The following PHF11 variants were observed in gnomAD, a reference collection of about 807,000 sequenced individuals.
The protein encoded by PHF11 is BRCA1 C-terminus-associated protein.
A neutral mutation model predicts 40.5 loss-of-function variants in PHF11; 38 were observed. That is an observed-to-expected ratio of 0.94 (90% CI 0.72 to 1.23). The LOEUF (loss-of-function observed/expected upper bound fraction) is 1.23, where lower values mean the gene tolerates loss of function less well. PHF11 is among the 50% of genes most tolerant of loss of function. The probability of loss-of-function intolerance (pLI) is 0.00; values close to 1 mark genes in which losing one functional copy is unlikely to be tolerated. For synonymous variants in PHF11, 127 were observed against 138.2 expected (o/e 0.92, Z 0.57); for missense variants, 369 against 392.4 (o/e 0.94, Z 0.50).
At chr13:49,517,777 C>G (rs552736645) in intron 3 of PHF11, among the ~76,000 whole-genome samples, 1 of 152,238 alleles carries the variant, frequency 6.6e-6, no homozygotes, top group East Asian at 1.9e-4. Context: ...TGCTTTTAAT[C>G]AGATCATTAC....
At chr13:49,513,622 C>A (rs967135987) in intron 3 of PHF11, among the ~76,000 whole-genome samples, 1 of 141,816 alleles carries the variant, frequency 7.1e-6, no homozygotes, top group Non-Finnish European at 1.6e-5. Context: ...TGAGCCACCA[C>A]GCCCGGCCAA....
At chr13:49,523,080 G>A (rs1265547080) in intron 6 of PHF11, 95 bp from the exon 7 acceptor site, 7 of 879,934 alleles carry the variant, frequency 8.0e-6, no homozygotes, top group Non-Finnish European at 1.3e-5. Flanking sequence ...GATTTTTACT[G>A]TAGGCATATC....
At chr13:49,524,287 CAA>C in intron 8 of PHF11, 71 bp downstream of exon 8, 1 of 1,124,566 alleles carries the variant, frequency 8.9e-7, no homozygotes, top group Non-Finnish European at 1.3e-6. Flanking sequence ...AAAACAAACC[CAA>C]GAAAAAAAAA....
At chr13:49,500,995 C>CT (rs1369748973) in intron 1 of PHF11, among the ~76,000 whole-genome samples, 1 of 98,430 alleles carries the variant, frequency 1.0e-5, no homozygotes, top group Non-Finnish European at 1.8e-5. Flanking sequence ...GAGTCACCAA[C>CT]TTTTGTTTTT....
Position 49,528,526 on chromosome 13 carries a change from T to A in PHF11, c.857T>A (p.Ile286Asn). 1.3e-6 allele frequency: 2 copies of A among 1,597,836 alleles called. No individual in the cohort carries two copies. Among genetic ancestry groups the A allele is most frequent in the Non-Finnish European group, 1.7e-6 (2 of 1,174,530 alleles). The change falls in exon 10 of 10, where the codon ATT becomes AAT. Residue 286 changes from isoleucine to asparagine, a missense_variant. Physicochemically the swap from Ile to Asn is moderately radical, Grantham distance 149. Transcript: ENST00000378319. The part of the protein sequence containing the change: ...VNFQAAIEKK[I>N]HASQQRWQQL... ...CTTTTCATAGCAATAGAGAAAAAAA[T>A]TCATGCATCTCAACAAAGGTGGCAG...
At chr13:49,523,439 C>T (rs1195491932) in intron 7 of PHF11, 198 bp downstream of exon 7, 3 of 580,990 alleles carry the variant, frequency 5.2e-6, no homozygotes, top group Admixed American at 3.5e-5. Context: ...TGGAATGGTC[C>T]ATTGCATTCA....
intron 1 of PHF11, among the ~76,000 whole-genome samples, chr13:49,498,578 C>G (rs1231069183): frequency 2.0e-5 from 3 of 152,088 alleles, no homozygotes; most frequent in Non-Finnish European, 4.4e-5. Context: ...CTGACAGTAA[C>G]CTAGTACATT....
chr13:49,521,171 T>C, intron 5 of PHF11: 1 of 1,183,346 alleles, frequency 8.5e-7, no homozygotes, highest in South Asian at 3.4e-5. Flanking sequence ...CTGGTATCTT[T>C]CATTCTCCCT....
intron 4 of PHF11, 24 bp downstream of exon 4, chr13:49,518,175 ACC>A (rs760524883): frequency 1.3e-6 from 2 of 1,532,924 alleles, no homozygotes; most frequent in Non-Finnish European, 1.8e-6. Flanking sequence ...CATTTTTAAA[ACC>A]ACATTTGGGG....
At chr13:49,496,151 G>A (rs1476713105) in intron 1 of PHF11, 56 bp downstream of exon 1, 1 of 1,024,852 alleles carries the variant, frequency 9.8e-7, no homozygotes, top group Non-Finnish European at 1.3e-6. Context: ...CGACGGGCCC[G>A]GTCAAGGGGC....
At chr13:49,507,095 T>C (rs1033305024) in intron 2 of PHF11, among the ~76,000 whole-genome samples, 3 of 151,778 alleles carry the variant, frequency 2.0e-5, no homozygotes, top group African/African-American at 7.3e-5. Context: ...TTAGTAGAGA[T>C]GGGGTTTCAC....
chr13:49,521,987 C>T lies in PHF11; in HGVS notation c.506-56C>T, dbSNP rs569644794. The T allele has an allele frequency of 9.2e-5, 79 of 859,630 alleles. No homozygotes were observed. The African/African-American group carries it at 1.2e-3, about 13-fold the overall frequency. The allele number at this position is 859,630 out of a possible 1,614,324, so 53.3% of individuals were successfully genotyped here. A position where few individuals can be genotyped will look rare whatever the true frequency, so the allele number is the denominator to read the frequency against. ...ATATGAGTTGTATATTTCATGTAGT[C>T]AAACAGTAATCTTTTCCTTTATGGA... On this transcript the variant is annotated intron_variant, in intron 5 of 9. Coordinates refer to ENST00000378319, the MANE Select transcript of PHF11 (RefSeq NM_001040443.3).
chr13:49,519,452 G>A (rs551484275), intron 4 of PHF11, among the ~76,000 whole-genome samples: 1 of 152,152 alleles, frequency 6.6e-6, no homozygotes, highest in South Asian at 2.1e-4. Flanking sequence ...CAATAAAACA[G>A]TCTTCTTGCA....
intron 1 of PHF11, among the ~76,000 whole-genome samples, chr13:49,505,546 A>G (rs1467337929): frequency 3.3e-5 from 5 of 152,226 alleles, no homozygotes; most frequent in African/African-American, 1.2e-4. Flanking sequence ...TGAAAATTAT[A>G]AATAAAAGCT....
At position 49,522,024 on chromosome 13, in the gene PHF11, A is replaced by G. The variant is rs368418657; in HGVS notation, c.506-19A>G. ...TTTTCCTTTATGGATTCCAATTTTT[A>G]AATGGTTTATATTTTTAGCTAAATT... is the stretch of plus-strand genomic sequence containing the variant. On this transcript the variant is annotated intron_variant, in intron 5 of 9. Coordinates refer to ENST00000378319, the MANE Select transcript of PHF11 (RefSeq NM_001040443.3). 4 of 1,237,700 alleles carry G rather than the reference A, an allele frequency of 3.2e-6. No homozygotes were observed. The highest frequency in any genetic ancestry group is 4.7e-6 in the Non-Finnish European group (4 of 842,518). The allele number at this position is 1,237,700 out of a possible 1,614,324, so 76.7% of individuals were successfully genotyped here.
At chr13:49,518,321 A>AAT (rs1189857159) in intron 4 of PHF11, 170 bp downstream of exon 4, 1 of 291,562 alleles carries the variant, frequency 3.4e-6, no homozygotes, top group Non-Finnish European at 5.7e-6. Flanking sequence ...TTCAGTGAAA[A>AAT]ATCTATATAT....
At chr13:49,513,538 C>T (rs1002151922) in intron 3 of PHF11, among the ~76,000 whole-genome samples, 2 of 151,990 alleles carry the variant, frequency 1.3e-5, no homozygotes, top group South Asian at 4.2e-4. Flanking sequence ...ACCATGTTGG[C>T]CAGGCTGGTC....
Position 49,528,874 on chromosome 13 carries a change from C to T in PHF11, c.*209C>T, listed in dbSNP as rs144500021. 73 of 465,712 alleles carry T rather than the reference C, an allele frequency of 1.6e-4. No homozygotes were observed. The highest frequency in any genetic ancestry group is 2.5e-4 in the Non-Finnish European group (67 of 264,156). 28.8% of individuals were successfully genotyped at this position (465,712 alleles called of 1,614,324 possible). A position where few individuals can be genotyped will look rare whatever the true frequency, so the allele number is the denominator to read the frequency against. On this transcript the variant is annotated 3_prime_UTR_variant, in exon 10 of 10. Coordinates refer to ENST00000378319, the MANE Select transcript of PHF11 (RefSeq NM_001040443.3). ...TGTCACATTCCCAGCACCTAGTATG[C>T]TCAGTAAATGTTTGTGGAATAAGTG...
intron 3 of PHF11, among the ~76,000 whole-genome samples, chr13:49,513,480 G>C (rs906507490): frequency 1.3e-5 from 2 of 151,954 alleles, no homozygotes; most frequent in African/African-American, 4.8e-5. Context: ...ACAGGCACGG[G>C]CCACCATGCT....
Sources: allele counts gnomAD v4.1 joint callset (sites outside exome capture counted in the v4.1 genomes callset), GRCh38; gene constraint gnomAD v4.1.1; transcripts MANE v1.5; gene names NCBI Gene and HGNC (gene_info 2026-07-23, HGNC 2026-07-21).